Variants in FGF13 observed in about 807,000 individuals in gnomAD.
The protein encoded by FGF13 is fibroblast growth factor homologous factor 2.
A neutral mutation model predicts 19.5 loss-of-function variants in FGF13; 2 were observed. The observed-to-expected ratio is 0.10, with a 90% CI of 0.04 to 0.32. FGF13 has a LOEUF of 0.32. Ranked by LOEUF, FGF13 falls within the 10% of genes least tolerant of loss-of-function variation. The pLI, the probability that FGF13 is intolerant of heterozygous loss-of-function variation, is 1.00. For synonymous variants in FGF13, 72 were observed against 76.9 expected, an observed-to-expected ratio of 0.94 and a Z score of 0.33; for missense variants, 113 against 192.7, an observed-to-expected ratio of 0.59 and a Z score of 2.45.
intron 1 of FGF13, among the ~76,000 whole-genome samples, chrX:139,068,539 C>T (rs1394750737): frequency 6.4e-5 from 7 of 109,781 alleles, no homozygotes; most frequent in African/African-American, 1.3e-4. Flanking sequence ...ATTGGTAGCT[C>T]GATGGGGATG....
intron 3 of FGF13, among the ~76,000 whole-genome samples, chrX:138,804,089 C>T (rs2090848899): frequency 8.9e-6 from 1 of 112,125 alleles, no homozygotes; most frequent in Admixed American, 9.5e-5. Context: ...GTGAGGAATG[C>T]ATTACCACAT....
intron 3 of FGF13, among the ~76,000 whole-genome samples, chrX:138,671,920 A>T (rs187792323): frequency 9.2e-6 from 1 of 108,882 alleles, no homozygotes; most frequent in Admixed American, 1.0e-4. Flanking sequence ...TCTGTGAAAA[A>T]GTCATATATG....
At chrX:138,982,257 G>T (rs1247841811) in intron 1 of FGF13, among the ~76,000 whole-genome samples, 2 of 111,549 alleles carry the variant, frequency 1.8e-5, no homozygotes, top group African/African-American at 6.5e-5. Flanking sequence ...GTTGTGCTTG[G>T]AATATGGTGA....
intron 3 of FGF13, among the ~76,000 whole-genome samples, chrX:138,642,193 T>G (rs2124110247): frequency 5.8e-5 from 4 of 68,953 alleles, no homozygotes; most frequent in Admixed American, 2.1e-4. Flanking sequence ...GGAGGGGAGG[T>G]ATAGAGAAAA....
At chrX:139,072,532 G>A (rs940577349) in intron 1 of FGF13, among the ~76,000 whole-genome samples, 7 of 111,775 alleles carry the variant, frequency 6.3e-5, no homozygotes, top group Non-Finnish European at 1.1e-4. Flanking sequence ...AAAGTTCTAC[G>A]TTAATAACTA....
rs1460406917 is a variant in FGF13 at position 138,615,860 on chromosome X, G to C, written c.*16990C>G. On this transcript the variant is annotated 3_prime_UTR_variant, in exon 5 of 5. Transcript: ENST00000315930. ...CCCCTCTTCACAGGGTGGCAGGAGA[G>C]AGAATGAGTGCCAGCAGGGGAAATG... is the stretch of plus-strand genomic sequence containing the variant. 1 of 111,634 alleles carries C rather than the reference G, an allele frequency of 9.0e-6. No individual in the cohort carries two copies. The highest frequency in any genetic ancestry group is 1.9e-5 in the Non-Finnish European group (1 of 53,404). 9.2% of individuals were successfully genotyped at this position (111,634 alleles called of 1,213,427 possible).
intron 1 of FGF13, among the ~76,000 whole-genome samples, chrX:138,965,662 A>G (rs1416165368): frequency 9.1e-6 from 1 of 110,103 alleles, no homozygotes; most frequent in Non-Finnish European, 1.9e-5. Context: ...GGGGCCCAGT[A>G]CAAAATAAAA....
chrX:139,187,910 G>A (rs892155609), intron 1 of FGF13, among the ~76,000 whole-genome samples: 2 of 111,802 alleles, frequency 1.8e-5, no homozygotes, highest in African/African-American at 3.3e-5. Flanking sequence ...ACTTCCTTCC[G>A]TTCTCTAAGT....
intron 3 of FGF13, among the ~76,000 whole-genome samples, chrX:138,774,208 C>T (rs12686916): frequency 0.049 from 5,476 of 111,518 alleles, 291 homozygotes; most frequent in African/African-American, 0.15. Context: ...AAAGAAAAAA[C>T]GAATAATGAA....
rs1569436186 is a variant in FGF13, at chrX:138,984,589, A to AGAAGAAGAAGAG, written c.-112-119940_-112-119939insCTCTTCTTCTTC. Among the ~76,000 whole-genome samples, 18 of 17,028 alleles carry AGAAGAAGAAGAG rather than the reference A, an allele frequency of 1.1e-3. 1 individual carries two copies. Among genetic ancestry groups the AGAAGAAGAAGAG allele is most frequent in the African/African-American group, 3.6e-3 (18 of 4,991 alleles). The allele number at this position is 17,028 out of a possible 115,157, so 14.8% of individuals were successfully genotyped here. A position where few individuals can be genotyped will look rare whatever the true frequency, so the allele number is the denominator to read the frequency against. On this transcript the variant is annotated intron_variant, in intron 1 of 2. Transcript: ENST00000421460. ...AAGAAGAAGAAGAAGAAGAAGAAGA[A>AGAAGAAGAAGAG]GGAGGAGGAGGAGGAGGAGGAGGAG...
Position 138,635,582 on chromosome X carries a change from A to G in FGF13, c.476T>C (p.Ile159Thr), listed in dbSNP as rs1173095656. ...ENYYVTYSSM[I>T]YRQQQSGRGW... ...TCGGCCTGACTGCTGCTGACGGTAT[A>G]TCATTGATGAATATGTCACATAATA... The change falls in exon 4 of 5, where the codon ATA becomes ACA. Residue 159 changes from isoleucine (I) to threonine (T), a missense_variant. Physicochemically the swap from Ile to Thr is moderately conservative, Grantham distance 89. Around this residue, in one of 4 missense-constraint regions of FGF13, gnomAD observed 14 missense variants for 44.7 expected, o/e 0.31. Transcript: ENST00000315930. 2 of 1,209,688 alleles carry G rather than the reference A, an allele frequency of 1.7e-6. No individual in the cohort carries two copies. The highest frequency in any genetic ancestry group is 1.8e-5 in the South Asian group (1 of 56,917).
intron 3 of FGF13, among the ~76,000 whole-genome samples, chrX:138,642,408 T>C (rs751849672): frequency 6.3e-5 from 7 of 111,945 alleles, no homozygotes; most frequent in Middle Eastern, 4.6e-3. Context: ...CCGATTTTTG[T>C]AAAATGGTGA....
chrX:138,633,185 T>C (rs2089141096), intron 4 of FGF13, among the ~76,000 whole-genome samples, 199 bp from the exon 5 acceptor site: 3 of 111,458 alleles, frequency 2.7e-5, no homozygotes, highest in African/African-American at 3.3e-5. Flanking sequence ...AATAAATATA[T>C]ACAATTTTTG....
chrX:139,080,873 T>C (rs912103324), intron 1 of FGF13, among the ~76,000 whole-genome samples: 4 of 111,395 alleles, frequency 3.6e-5, no homozygotes, highest in Admixed American at 9.6e-5. Flanking sequence ...CAGTCTCCCA[T>C]CCTTTCTTAA....
chrX:138,938,315 G>A (rs753036932), intron 1 of FGF13, among the ~76,000 whole-genome samples: 2 of 111,456 alleles, frequency 1.8e-5, no homozygotes, highest in South Asian at 7.6e-4. Context: ...GAAATAGCAT[G>A]AAAAGATAAT....
In FGF13 at chrX:138,616,347, A is replaced by G. The variant is rs2088967366; in HGVS notation, c.*16503T>C. ...TAGGCCCATGCAAGTCCAAAATCCA[A>G]TAGGGCAGTCGTTAAAGCTTAAAGT... On this transcript the variant is annotated 3_prime_UTR_variant, in exon 5 of 5. Transcript: ENST00000315930. 8.9e-6 allele frequency: 1 copy of G among 112,726 alleles called. No homozygotes were observed. Among genetic ancestry groups the G allele is most frequent in the South Asian group, 3.6e-4 (1 of 2,780 alleles). 9.3% of individuals were successfully genotyped at this position (112,726 alleles called of 1,213,427 possible).
intron 1 of FGF13, among the ~76,000 whole-genome samples, chrX:138,913,702 AAGG>A (rs1374484381): frequency 7.2e-5 from 7 of 96,900 alleles, no homozygotes; most frequent in African/African-American, 2.6e-4. Context: ...GGAAGGAAGG[AAGG>A]AAAGAAAACT....
intron 1 of FGF13, among the ~76,000 whole-genome samples, chrX:138,936,455 A>G (rs1002617629): frequency 6.2e-5 from 7 of 112,481 alleles, no homozygotes; most frequent in African/African-American, 2.3e-4. Flanking sequence ...CACATGAAGC[A>G]TTACCTAGAC....
In FGF13 at chrX:138,622,610, A is replaced by C. The variant is rs755891869; in HGVS notation, c.*10240T>G. 8.9e-6 allele frequency: 1 copy of C among 112,041 alleles called. No homozygotes were observed. Among genetic ancestry groups the C allele is most frequent in the Non-Finnish European group, 1.9e-5 (1 of 53,151 alleles). The allele number at this position is 112,041 out of a possible 1,213,427, so 9.2% of individuals were successfully genotyped here. A position where few individuals can be genotyped will look rare whatever the true frequency, so the allele number is the denominator to read the frequency against. On this transcript the variant is annotated 3_prime_UTR_variant, in exon 5 of 5. Coordinates refer to ENST00000315930, the MANE Select transcript of FGF13 (RefSeq NM_004114.5). The stretch of plus-strand genomic sequence containing the variant: ...ACTTGAAGTTCTGCTTAGAGCAATA[A>C]GTCGAGAAAAAGAAATAAAATGCAT...
Sources: gnomAD v4.1 joint callset for allele counts (sites outside exome capture counted in the v4.1 genomes callset) on GRCh38, gnomAD v4.1.1 for gene constraint, gnomAD v4.1.1 regional missense constraint, MANE v1.5 for transcripts, NCBI Gene and HGNC (gene_info 2026-07-23, HGNC 2026-07-21) for gene names.